PYCR3: variants seen among roughly 807,000 people sequenced by gnomAD.
The protein encoded by PYCR3 is P5C reductase 3.
PYCR3 carries 26 observed loss-of-function variants against 23.4 expected under a neutral mutation model. The ratio of observed to expected loss-of-function variants is 1.11; its 90% CI spans 0.81 to 1.54. PYCR3 has a LOEUF of 1.54. Ranked by LOEUF, PYCR3 falls within the 40% of genes most tolerant of loss-of-function variation. The pLI is 0.00. For missense variants in PYCR3, 360 were observed against 376.3 expected, an observed-to-expected ratio of 0.96 and a Z score of 0.36; for synonymous variants, 194 against 162.6, an observed-to-expected ratio of 1.19 and a Z score of -1.47.
chr8:143,608,011 A>C, intron 2 of PYCR3, 51 bp downstream of exon 2: 4 of 1,402,444 alleles, frequency 2.9e-6, no homozygotes, highest in Non-Finnish European at 4.0e-6. Flanking sequence ...ACAGGAGCCA[A>C]GAGCTATCCT....
Position 143,606,626 on chromosome 8 carries a change from C to A in PYCR3, c.390G>T (p.Val130=), listed in dbSNP as rs1272382892. 6.2e-7 allele frequency: 1 copy of A among 1,609,756 alleles called. No individual in the cohort carries two copies. The change falls in exon 4 of 6, where the codon GTG becomes GTT. Residue 130 remains valine (V), a synonymous_variant. Transcript: ENST00000495276. ...VLRVLPNLPC[V]VQEGAIVMAR... is the part of the protein sequence containing the mutation. ...CCATCACTATGGCCCCTTCCTGGAC[C>A]ACACAGGGCAGGTTGGGCAAGACCC...
Position 143,603,357 on chromosome 8 carries a change from T to TA in PYCR3, c.*2342_*2343insT, listed in dbSNP as rs1250230040. Reference sequence around the variant, plus strand: ...AAGATACCGTAATCATATCCATCGTTTTCTGTCTTGAAGAACAGTTTTCAC... The same window carrying TA: ...AAGATACCGTAATCATATCCATCGTTATTCTGTCTTGAAGAACAGTTTTCAC... On this transcript the variant is annotated 3_prime_UTR_variant, in exon 6 of 6. Transcript: ENST00000495276. 2 of 152,232 alleles carry TA rather than the reference T, an allele frequency of 1.3e-5. No individual in the cohort carries two copies. The highest frequency in any genetic ancestry group is 2.9e-5 in the Non-Finnish European group (2 of 68,038). The allele number at this position is 152,232 out of a possible 1,614,324, so 9.4% of individuals were successfully genotyped here.
chr8:143,605,953 G>A, intron 5 of PYCR3, 71 bp from the exon 6 acceptor site: 1 of 1,562,562 alleles, frequency 6.4e-7, no homozygotes, highest in Non-Finnish European at 8.7e-7. Flanking sequence ...TGCCCTCGTT[G>A]CATCCCCCAA....
rs576746845 is a variant in PYCR3 at position 143,603,719 on chromosome 8, G to A, written c.*1981C>T. On this transcript the variant is annotated 3_prime_UTR_variant, in exon 6 of 6. Coordinates refer to ENST00000495276, the MANE Select transcript of PYCR3 (RefSeq NM_023078.6). ...GCCCAGGCTTGGCATACAGTCCCCT[G>A]GGGTGACAGCGTGCAGGGGAAACTG... 1.5e-4 allele frequency among the ~76,000 whole-genome samples: 23 copies of A among 152,314 alleles called. No homozygotes were observed. Among genetic ancestry groups the A allele is most frequent in the African/African-American group, 5.1e-4 (21 of 41,574 alleles).
At chr8:143,607,832 T>A (rs926254255) in intron 2 of PYCR3, among the ~76,000 whole-genome samples, 1 of 152,002 alleles carries the variant, frequency 6.6e-6, no homozygotes, top group African/African-American at 2.4e-5. Flanking sequence ...CTCACGGACA[T>A]GCACTCACAC....
At position 143,605,723 on chromosome 8, in the gene PYCR3, C is replaced by T; in HGVS notation, c.802G>A (p.Ala268Thr). ...MSAVEAATCR[A>T]KELSRK ...GCCTACTTTCTGCTGAGCTCCTTGG[C>T]CCGGCAGGTGGCAGCCTCCACGGCG... is the stretch of plus-strand genomic sequence containing the variant. The change falls in exon 6 of 6, where the codon GCC becomes ACC. Residue 268 changes from alanine (A) to threonine (T), a missense_variant. Transcript: ENST00000495276. The T allele has an allele frequency of 6.2e-7, 1 of 1,602,564 alleles. No individual in the cohort carries two copies. Among genetic ancestry groups the T allele is most frequent in the Non-Finnish European group, 8.5e-7 (1 of 1,172,424 alleles).
rs117562054 is a variant in PYCR3, at chr8:143,607,880, C to T, written c.156+182G>A. Among the ~76,000 whole-genome samples the T allele has an allele frequency of 2.6e-4, 39 of 152,308 alleles. No individual in the cohort carries two copies. In the East Asian group the frequency reaches 5.6e-3, roughly 22 times the overall value. The stretch of plus-strand genomic sequence containing the variant: ...ACACACACAAACACTTTGCTTTGGC[C>T]CTCCACAACCTTACTTTCCTCCTGG... On this transcript the variant is annotated intron_variant, in intron 2 of 5. Coordinates refer to ENST00000495276, the MANE Select transcript of PYCR3 (RefSeq NM_023078.6).
chr8:143,605,953 G>C (rs546339150), intron 5 of PYCR3, 71 bp from the exon 6 acceptor site: 1 of 1,562,556 alleles, frequency 6.4e-7, no homozygotes, highest in East Asian at 2.3e-5. Context: ...TGCCCTCGTT[G>C]CATCCCCCAA....
At chr8:143,606,417 G>T (rs772326905) in intron 4 of PYCR3, 50 bp downstream of exon 4, 10 of 1,571,292 alleles carry the variant, frequency 6.4e-6, no homozygotes, top group Non-Finnish European at 8.7e-6. Flanking sequence ...ACTGGGGTGG[G>T]CCCCCTCTTT....
rs901507751 is a variant in PYCR3 at position 143,604,456 on chromosome 8, T to C, written c.*1244A>G. ...GAGCATGAGGGATGGAGCGTGCTGC[T>C]GTCCTGCAGGTGCCGTTAGCCCTGT... is the stretch of plus-strand genomic sequence containing the variant. On this transcript the variant is annotated 3_prime_UTR_variant, in exon 6 of 6. Coordinates refer to ENST00000495276, the MANE Select transcript of PYCR3 (RefSeq NM_023078.6). 3.1e-5 allele frequency: 6 copies of C among 195,208 alleles called. No homozygotes were observed. Among genetic ancestry groups the C allele is most frequent in the South Asian group, 7.5e-5 (1 of 13,404 alleles). 12.1% of individuals were successfully genotyped at this position (195,208 alleles called of 1,614,324 possible).
chr8:143,609,004 GGAT>G, intron 1 of PYCR3: 1 of 425,108 alleles, frequency 2.4e-6, no homozygotes, highest in South Asian at 1.7e-5. Context: ...TCTCAACAGG[GGAT>G]GATTTTGCCT....
At position 143,604,116 on chromosome 8, in the gene PYCR3, A is replaced by T. The variant is rs1829324605; in HGVS notation, c.*1584T>A. Reference sequence around the variant, plus strand: ...TCCATGTTGGTCAGGTTGGTCTCAAACTCCTGACTTTGTGATCTGCCCGCC... The same window carrying T: ...TCCATGTTGGTCAGGTTGGTCTCAATCTCCTGACTTTGTGATCTGCCCGCC... On this transcript the variant is annotated 3_prime_UTR_variant, in exon 6 of 6. Coordinates refer to ENST00000495276, the MANE Select transcript of PYCR3 (RefSeq NM_023078.6). The T allele has an allele frequency of 1.3e-5, 2 of 151,836 alleles. No individual in the cohort carries two copies. The highest frequency in any genetic ancestry group is 3.9e-4 in the East Asian group (2 of 5,164). The allele number at this position is 151,836 out of a possible 1,614,324, so 9.4% of individuals were successfully genotyped here.
rs1247693008 is a variant in PYCR3 at position 143,609,404 on chromosome 8, TC to T, written c.91+53del. On this transcript the variant is annotated intron_variant, in intron 1 of 5. Coordinates refer to ENST00000495276, the MANE Select transcript of PYCR3 (RefSeq NM_023078.6). ...GGCCCCACTCTCGCGGCAGGACACCTCCCACGGGGCTGCTCCCACTCCAGAC... is the reference window on the plus strand; with the variant it reads ...GGCCCCACTCTCGCGGCAGGACACCTCCACGGGGCTGCTCCCACTCCAGAC... 1.1e-5 allele frequency: 16 copies of T among 1,426,730 alleles called. No homozygotes were observed. The African/African-American group carries it at 2.0e-4, about 17-fold the overall frequency. 88.4% of individuals were successfully genotyped at this position (1,426,730 alleles called of 1,614,324 possible). A position where few individuals can be genotyped will look rare whatever the true frequency, so the allele number is the denominator to read the frequency against.
chr8:143,608,566 GA>G, intron 1 of PYCR3: 1 of 329,750 alleles, frequency 3.0e-6, no homozygotes, highest in Non-Finnish European at 5.9e-6. Flanking sequence ...GAATGTCTAA[GA>G]AAAGGCTAAA....
intron 1 of PYCR3, among the ~76,000 whole-genome samples, chr8:143,609,207 A>T (rs1233794978): frequency 3.9e-5 from 6 of 152,238 alleles, no homozygotes; most frequent in Non-Finnish European, 8.8e-5. Flanking sequence ...CAGAGGCTGG[A>T]AGAGGTGAGC....
At chr8:143,607,636 G>A (rs555077117) in intron 2 of PYCR3, among the ~76,000 whole-genome samples, 21 of 150,778 alleles carry the variant, frequency 1.4e-4, no homozygotes, top group Non-Finnish European at 2.4e-4. Flanking sequence ...GTGCACTCAC[G>A]ACCACACAGG....
intron 2 of PYCR3, among the ~76,000 whole-genome samples, chr8:143,607,689 CACATGCACTGACAT>C (rs1829441562): frequency 6.6e-6 from 1 of 152,218 alleles, no homozygotes; most frequent in African/African-American, 2.4e-5. Flanking sequence ...CACACGCACA[CACATGCACTGACAT>C]ACATGCACTC....
chr8:143,607,112 C>A lies in PYCR3; in HGVS notation c.177G>T (p.Thr59=). The change falls in exon 3 of 6, where the codon ACG becomes ACT. Residue 59 remains threonine, a synonymous_variant. Transcript: ENST00000495276. ...CHFQALGCRT[T]HSNQEVLQSC... is the part of the protein sequence containing the mutation. Reference sequence around the variant, plus strand: ...TCTGCAGCACCTCCTGGTTGGAGTGCGTGGTCCGGCAACCCAGAGCCTGCG... The same window carrying A: ...TCTGCAGCACCTCCTGGTTGGAGTGAGTGGTCCGGCAACCCAGAGCCTGCG... 1 of 1,592,308 alleles carries A rather than the reference C, an allele frequency of 6.3e-7. No homozygotes were observed. Among genetic ancestry groups the A allele is most frequent in the Non-Finnish European group, 8.5e-7 (1 of 1,169,596 alleles).
chr8:143,607,590 A>G (rs1829437925), intron 2 of PYCR3, among the ~76,000 whole-genome samples: 1 of 152,008 alleles, frequency 6.6e-6, no homozygotes, highest in Admixed American at 6.6e-5. Context: ...GCACTCATAT[A>G]CACATCTGCA....
Sources: allele counts gnomAD v4.1 joint callset (sites outside exome capture counted in the v4.1 genomes callset), GRCh38; gene constraint gnomAD v4.1.1; transcripts MANE v1.5; gene names NCBI Gene and HGNC (gene_info 2026-07-23, HGNC 2026-07-21).